Variants in ALOXE3 observed in about 807,000 individuals in gnomAD.
ALOXE3 encodes arachidonate epidermal lipoxygenase 3, also known as hydroperoxide isomerase ALOXE3.
In ALOXE3, 78 loss-of-function variants were observed where a neutral mutation model predicts 87.5. The observed-to-expected ratio is 0.89, with a 90% CI of 0.74 to 1.08. The LOEUF is 1.08. ALOXE3 is among the 50% of genes least tolerant of loss of function. The pLI is 0.00. For synonymous variants in ALOXE3, 363 were observed against 370.8 expected (o/e 0.98, Z 0.24); for missense variants, 946 against 912.4 (o/e 1.04, Z -0.47).
Position 8,114,980 on chromosome 17 carries a change from A to C in ALOXE3, c.512T>G (p.Phe171Cys). The C allele has an allele frequency of 6.2e-7, 1 of 1,614,024 alleles. No individual in the cohort carries two copies. Among genetic ancestry groups the C allele is most frequent in the Non-Finnish European group, 8.5e-7 (1 of 1,180,018 alleles). ...ACAAGTTGTCGTCTTTGTCAAGGCA[A>C]ATTTCTTGTCTGACTCCATCTCCTG... Reference protein sequence around the residue: ...SFQEMESDKKFALTKTTTCVD... With the variant: ...SFQEMESDKKCALTKTTTCVD... The change falls in exon 5 of 16, where the codon TTT becomes TGT. Residue 171 changes from phenylalanine to cysteine, a missense_variant. By Grantham distance (205) the Phe-to-Cys change is radical. Transcript: ENST00000448843.
Position 8,115,029 on chromosome 17 carries a change from AG to A in ALOXE3, c.462del (p.Cys155AlafsTer3). On this transcript the variant is annotated frameshift_variant, in exon 5 of 16. Transcript: ENST00000448843. LOFTEE classifies it high-confidence loss of function. ...TGAAAGCTGTTGACGTCTACCATGCAGGGGAAGCCAGGGGCATAGATCTTCC... is the reference window on the plus strand; with the variant it reads ...TGAAAGCTGTTGACGTCTACCATGCAGGGAAGCCAGGGGCATAGATCTTCC... Reference protein sequence around the residue: ...YRWKIYAPGFPCMVDVNSFQE... With the variant: ...YRWKIYAPGFXCMVDVNSFQE... The A allele has an allele frequency of 6.2e-7, 1 of 1,614,176 alleles. No individual in the cohort carries two copies. Among genetic ancestry groups the A allele is most frequent in the Non-Finnish European group, 8.5e-7 (1 of 1,180,006 alleles).
chr17:8,105,775 T>C (rs113944217), intron 13 of ALOXE3, among the ~76,000 whole-genome samples: 3,470 of 151,828 alleles, frequency 0.023, 139 homozygotes, highest in African/African-American at 0.079. Context: ...GATGCAGTGA[T>C]GTGGTGGTGC....
chr17:8,101,922 G>C lies in ALOXE3; in HGVS notation c.1956+1401C>G, dbSNP rs145651524. Among the ~76,000 whole-genome samples, 436 of 152,294 alleles carry C rather than the reference G, an allele frequency of 2.9e-3. 2 individuals carry two copies. Among genetic ancestry groups the C allele is most frequent in the Non-Finnish European group, 4.9e-3 (335 of 68,024 alleles). On this transcript the variant is annotated intron_variant, in intron 15 of 15. Coordinates refer to ENST00000448843, the MANE Select transcript of ALOXE3 (RefSeq NM_021628.3). ...CCCAAAGTGCTGGGATTGCAGGCACGAGCCACTGTGCCCAGCAACATCTGG... is the reference window on the plus strand; with the variant it reads ...CCCAAAGTGCTGGGATTGCAGGCACCAGCCACTGTGCCCAGCAACATCTGG...
At chr17:8,106,639 T>C (rs1315889833) in intron 13 of ALOXE3, among the ~76,000 whole-genome samples, 4 of 152,114 alleles carry the variant, frequency 2.6e-5, no homozygotes, top group Admixed American at 2.6e-4. Flanking sequence ...CTGACCGAAA[T>C]GGTGAAAGAA....
At chr17:8,110,569 G>A in intron 8 of ALOXE3, 41 bp from the exon 9 acceptor site, 1 of 1,612,746 alleles carries the variant, frequency 6.2e-7, no homozygotes, top group Non-Finnish European at 8.5e-7. Context: ...CTCCCTACTC[G>A]CGCTCCACTT....
intron 3 of ALOXE3, 114 bp from the exon 4 acceptor site, chr17:8,115,802 A>G (rs897708661): frequency 9.5e-7 from 1 of 1,056,384 alleles, no homozygotes; most frequent in African/African-American, 1.6e-5. Flanking sequence ...CATCCCTGTG[A>G]AACACGTGGC....
intron 6 of ALOXE3, among the ~76,000 whole-genome samples, chr17:8,113,754 T>C (rs1362368492): frequency 2.0e-5 from 3 of 149,720 alleles, no homozygotes; most frequent in Non-Finnish European, 3.0e-5. Flanking sequence ...GGGCTGGGCG[T>C]GGTGGCTCAT....
At position 8,104,285 on chromosome 17, in the gene ALOXE3, G is replaced by A. The variant is rs1979127268; in HGVS notation, c.1685-70C>T. Reference sequence around the variant, plus strand: ...GGATTCCTAGGGCCAGCTCAGGACTGGGGCTCACCACAGGGGGAAAGTGAG... The same window carrying A: ...GGATTCCTAGGGCCAGCTCAGGACTAGGGCTCACCACAGGGGGAAAGTGAG... On this transcript the variant is annotated intron_variant, in intron 13 of 15. Transcript: ENST00000448843. 4.2e-6 allele frequency: 5 copies of A among 1,180,110 alleles called. No individual in the cohort carries two copies. The Admixed American group carries it at 9.0e-5, about 21-fold the overall frequency. 73.1% of individuals were successfully genotyped at this position (1,180,110 alleles called of 1,614,324 possible).
At chr17:8,104,507 C>T (rs1979148382) in intron 13 of ALOXE3, among the ~76,000 whole-genome samples, 1 of 152,232 alleles carries the variant, frequency 6.6e-6, no homozygotes, top group African/African-American at 2.4e-5. Context: ...ACTTCCAAGG[C>T]ACTTCAATCT....
chr17:8,118,794 A>G (rs1234170443), upstream of ALOXE3: 1 of 1,536,900 alleles, frequency 6.5e-7, no homozygotes, highest in East Asian at 2.4e-5. Context: ...CCGCTCCAGG[A>G]CCGCCCTGGG....
At position 8,111,432 on chromosome 17, in the gene ALOXE3, C is replaced by T. The variant is rs1980077226; in HGVS notation, c.884G>A (p.Ser295Asn). 1 of 1,614,138 alleles carries T rather than the reference C, an allele frequency of 6.2e-7. No individual in the cohort carries two copies. The highest frequency in any genetic ancestry group is 1.3e-5 in the African/African-American group (1 of 75,048). The part of the protein sequence containing the change: ...VMLHCISSLP[S>N]KLPVTNDMVA... The stretch of plus-strand genomic sequence containing the variant: ...CATGTCATTGGTGACAGGCAGCTTG[C>T]TGGGCAAGCTAGAGATGCAGTGGAG... Residue 295 changes from serine (S) to asparagine (N), a missense_variant, in exon 8 of 16, where the codon AGC becomes AAC. Transcript: ENST00000448843.
Position 8,107,976 on chromosome 17 carries a change from GAGAGAGAAAGAAAGAAAGGAAGGAA to G in ALOXE3, c.1684+467_1684+491del, listed in dbSNP as rs1979601975. On this transcript the variant is annotated intron_variant, in intron 13 of 15. Transcript: ENST00000448843. ...AAGAAAGAAAGGAAGGAGAGAGAGA[GAGAGAGAAAGAAAGAAAGGAAGGAA>G]AGAAAGAAAGAAAGAAAGAAAGAAA... is the stretch of plus-strand genomic sequence containing the variant. Among the ~76,000 whole-genome samples the G allele has an allele frequency of 1.3e-4, 2 of 15,746 alleles. 1 individual carries two copies. Among genetic ancestry groups the G allele is most frequent in the Non-Finnish European group, 3.4e-4 (2 of 5,956 alleles). The allele number at this position is 15,746 out of a possible 152,430, so 10.3% of individuals were successfully genotyped here. A position where few individuals can be genotyped will look rare whatever the true frequency, so the allele number is the denominator to read the frequency against.
At chr17:8,114,436 T>C in intron 6 of ALOXE3, 48 bp downstream of exon 6, 2 of 1,611,708 alleles carry the variant, frequency 1.2e-6, no homozygotes. Flanking sequence ...GGGAGGGGGA[T>C]GGATGGGCAG....
rs776384903 is a variant in ALOXE3 at position 8,103,444 on chromosome 17, G to A, written c.1835C>T (p.Pro612Leu). The change falls in exon 15 of 16, where the codon CCC becomes CTC. Residue 612 changes from proline to leucine, a missense_variant. Transcript: ENST00000448843. ...GGTGGTCCCCTTGGTCTGGGGTGGG[G>A]GCTGCCTCATGGATGATGGAGCATT... ...MPNAPSSMRQPPPQTKGTTTL... is the reference protein window; with the variant it reads ...MPNAPSSMRQLPPQTKGTTTL... 6.2e-7 allele frequency: 1 copy of A among 1,614,156 alleles called. No homozygotes were observed. Among genetic ancestry groups the A allele is most frequent in the Non-Finnish European group, 8.5e-7 (1 of 1,180,012 alleles).
rs1476432280 is a variant in ALOXE3, at chr17:8,108,003, GAAA to G, written c.1684+462_1684+464del. Reference sequence around the variant, plus strand: ...GAGAGAAAGAAAGAAAGGAAGGAAAGAAAGAAAGAAAGAAAGAAAGAAAGAAAG... The same window carrying G: ...GAGAGAAAGAAAGAAAGGAAGGAAAGGAAAGAAAGAAAGAAAGAAAGAAAG... On this transcript the variant is annotated intron_variant, in intron 13 of 15. Transcript: ENST00000448843. Among the ~76,000 whole-genome samples, 23 of 38,110 alleles carry G rather than the reference GAAA, an allele frequency of 6.0e-4. 6 individuals are homozygous for G. The highest frequency in any genetic ancestry group is 2.5e-3 in the South Asian group (3 of 1,218). 25.0% of individuals were successfully genotyped at this position (38,110 alleles called of 152,430 possible). A position where few individuals can be genotyped will look rare whatever the true frequency, so the allele number is the denominator to read the frequency against.
intron 15 of ALOXE3, among the ~76,000 whole-genome samples, chr17:8,098,234 GTTTTT>G (rs71159546): frequency 2.3e-5 from 2 of 87,484 alleles, no homozygotes; most frequent in Non-Finnish European, 4.3e-5. Flanking sequence ...TTTGGTTTTT[GTTTTT>G]TTTTTTTTTT....
chr17:8,118,823 G>C (rs1421644904), upstream of ALOXE3: 1 of 1,536,294 alleles, frequency 6.5e-7, no homozygotes, highest in African/African-American at 1.4e-5. Flanking sequence ...ATCCTGGGCG[G>C]GAGCCCAGGT....
At chr17:8,115,719 A>G in intron 3 of ALOXE3, 31 bp from the exon 4 acceptor site, 1 of 1,595,566 alleles carries the variant, frequency 6.3e-7, no homozygotes, top group Non-Finnish European at 8.6e-7. Flanking sequence ...TCTTGGTATA[A>G]GTCTCTTTTC....
At position 8,112,183 on chromosome 17, in the gene ALOXE3, T is replaced by A. The variant is rs1359449911; in HGVS notation, c.694A>T (p.Lys232Ter). The A allele has an allele frequency of 6.2e-7, 1 of 1,614,098 alleles. No homozygotes were observed. The highest frequency in any genetic ancestry group is 1.7e-5 in the Admixed American group (1 of 60,022). The change falls in exon 7 of 16, where the codon AAG (lysine) becomes TAG (stop). Residue 232 changes from lysine (K) to a stop codon, truncating the protein, a stop_gained. Coordinates refer to ENST00000448843, the MANE Select transcript of ALOXE3 (RefSeq NM_021628.3). LOFTEE classifies it high-confidence loss of function. ...TTGCGATCCAACAGCCCTCGAAGCT[T>A]CATTCCCAAGGACCTGATGGGAGAG... ...FNAIPASLGMKLRGLLDRKGS... is the reference protein window; with the variant it reads ...FNAIPASLGM
Sources: gnomAD v4.1 joint callset for allele counts (sites outside exome capture counted in the v4.1 genomes callset) on GRCh38, gnomAD v4.1.1 for gene constraint, MANE v1.5 for transcripts, NCBI Gene and HGNC (gene_info 2026-07-23, HGNC 2026-07-21) for gene names.